MTNAP1: variants seen among roughly 807,000 people sequenced by gnomAD.
MTNAP1 encodes mitochondrial nucleoid associated protein 1.
At chr17:73,248,732 G>A in the MTNAP1 span, 1 of 622,294 alleles carries the variant, frequency 1.6e-6, no homozygotes, top group Non-Finnish European at 2.9e-6. Flanking sequence ...ACTCACACGT[G>A]GTCTGTGTAA....
chr17:73,239,196 A>G, the MTNAP1 span, among the ~76,000 whole-genome samples: 2 of 151,986 alleles, frequency 1.3e-5, no homozygotes, highest in African/African-American at 2.4e-5. Context: ...TCAACCTCCC[A>G]AAGTGCTGGG....
chr17:73,236,888 A>ATC, the MTNAP1 span: 1 of 1,614,078 alleles, frequency 6.2e-7, no homozygotes, highest in Non-Finnish European at 8.5e-7. Flanking sequence ...CCAGAGCTCT[A>ATC]TCCTGGTTAC....
At chr17:73,236,074 C>A in the MTNAP1 span, 1 of 1,614,044 alleles carries the variant, frequency 6.2e-7, no homozygotes, top group East Asian at 2.2e-5. Context: ...TAATGATGTA[C>A]AAACTACCTC....
chr17:73,245,556 C>G, the MTNAP1 span: 3 of 985,220 alleles, frequency 3.0e-6, no homozygotes, highest in Admixed American at 1.8e-4. Flanking sequence ...CATTACCATT[C>G]AGCTATATGA....
At chr17:73,235,365 G>A in the MTNAP1 span, 3 of 936,026 alleles carry the variant, frequency 3.2e-6, no homozygotes, top group Non-Finnish European at 4.6e-6. Flanking sequence ...GTAACCGTAA[G>A]TAGCAAACAT....
At chr17:73,239,401 G>T in the MTNAP1 span, among the ~76,000 whole-genome samples, 36 of 152,232 alleles carry the variant, frequency 2.4e-4, no homozygotes, top group Non-Finnish European at 4.0e-4. Flanking sequence ...ACGTTTATCT[G>T]TGATGACTAT....
At chr17:73,240,103 A>C in the MTNAP1 span, among the ~76,000 whole-genome samples, 1 of 152,374 alleles carries the variant, frequency 6.6e-6, no homozygotes, top group African/African-American at 2.4e-5. Flanking sequence ...ATACAATAAT[A>C]AGATACAGTA....
At chr17:73,245,832 A>T in the MTNAP1 span, 1 of 594,088 alleles carries the variant, frequency 1.7e-6, no homozygotes, top group Non-Finnish European at 2.1e-6. Flanking sequence ...TGAGTATAAT[A>T]ATGAACCGGT....
the MTNAP1 span, among the ~76,000 whole-genome samples, chr17:73,238,527 A>C: frequency 1.3e-5 from 2 of 152,222 alleles, no homozygotes; most frequent in African/African-American, 4.8e-5. Context: ...CCAAAGCTAC[A>C]TTTTCTTTAA....
At chr17:73,243,076 A>T in the MTNAP1 span, 19 of 218,686 alleles carry the variant, frequency 8.7e-5, no homozygotes, top group Middle Eastern at 1.5e-3. Flanking sequence ...GGATTCTCTG[A>T]ATTTTTTTTT....
chr17:73,235,625 C>G, the MTNAP1 span: 14 of 1,614,180 alleles, frequency 8.7e-6, no homozygotes, highest in Non-Finnish European at 1.1e-5. Context: ...AAGCCAGCTA[C>G]ACTCCCACGT....
chr17:73,243,077 ATTTTTTTTTTTT>A, the MTNAP1 span: 2 of 437,884 alleles, frequency 4.6e-6, no homozygotes, highest in Non-Finnish European at 7.4e-6. Flanking sequence ...GATTCTCTGA[ATTTTTTTTTTTT>A]TTTTTTTTTT....
At chr17:73,245,985 A>G in the MTNAP1 span, among the ~76,000 whole-genome samples, 1 of 151,870 alleles carries the variant, frequency 6.6e-6, no homozygotes, top group African/African-American at 2.4e-5. Context: ...GTGTCTCTTC[A>G]TCTCATCAAA....
the MTNAP1 span, chr17:73,242,185 GT>G: frequency 3.0e-5 from 35 of 1,164,334 alleles, no homozygotes; most frequent in Admixed American, 7.8e-4. Flanking sequence ...GGCACTGGAT[GT>G]TAGGGAAGGG....
chr17:73,235,554 C>G, the MTNAP1 span: 1 of 1,614,090 alleles, frequency 6.2e-7, no homozygotes, highest in Non-Finnish European at 8.5e-7. Context: ...TAAAATCCCA[C>G]TTGCCATACT....
the MTNAP1 span, chr17:73,245,159 T>A: frequency 1.2e-6 from 2 of 1,613,750 alleles, no homozygotes; most frequent in South Asian, 1.1e-5. Flanking sequence ...TGTCTCTGTT[T>A]ATCCAAAGAG....
the MTNAP1 span, chr17:73,232,711 T>A: frequency 5.5e-6 from 1 of 181,204 alleles, no homozygotes; most frequent in East Asian, 1.5e-4. Context: ...CTTTCAGGTC[T>A]TCCGAGGTGA....
the MTNAP1 span, chr17:73,245,143 T>C: frequency 6.2e-7 from 1 of 1,613,116 alleles, no homozygotes; most frequent in Non-Finnish European, 8.5e-7. Flanking sequence ...CTCGGATCCT[T>C]ACATTTGTCT....
chr17:73,236,568 T>A, the MTNAP1 span: 3 of 1,614,176 alleles, frequency 1.9e-6, no homozygotes, highest in Admixed American at 1.7e-5. Flanking sequence ...GGGAGACGAC[T>A]TACCAGTTTC....
Sources: gnomAD v4.1 joint callset for allele counts (sites outside exome capture counted in the v4.1 genomes callset) on GRCh38, gnomAD v4.1.1 for gene constraint, MANE v1.5 for transcripts, NCBI Gene and HGNC (gene_info 2026-07-23, HGNC 2026-07-21) for gene names.